ZZZ3: variants seen among roughly 807,000 people sequenced by gnomAD.
The protein encoded by ZZZ3 is zinc finger ZZ-type containing 3.
In ZZZ3, 22 loss-of-function variants were observed where a neutral mutation model predicts 95.2. The ratio of observed to expected loss-of-function variants is 0.23; its 90% CI spans 0.17 to 0.33. ZZZ3 has a LOEUF of 0.33. Ranked by LOEUF, ZZZ3 falls within the 10% of genes least tolerant of loss-of-function variation. ZZZ3 has a pLI of 1.00. For missense variants in ZZZ3, 885 were observed against 1,066.5 expected (o/e 0.83, Z 2.37); for synonymous variants, 335 against 358.9 (o/e 0.93, Z 0.75).
rs184723688 is a variant in ZZZ3 at position 77,604,500 on chromosome 1, G to A, written c.1506-19845C>T. 7.7e-4 allele frequency among the ~76,000 whole-genome samples: 117 copies of A among 152,200 alleles called. 1 individual carries two copies. Among genetic ancestry groups the A allele is most frequent in the African/African-American group, 2.6e-3 (108 of 41,522 alleles). Reference sequence around the variant, plus strand: ...TGCAGGCTAGATTTCTAAAATCTTCGTAAATCAAGAAAGCAAGAATTACCA... The same window carrying A: ...TGCAGGCTAGATTTCTAAAATCTTCATAAATCAAGAAAGCAAGAATTACCA... On this transcript the variant is annotated intron_variant, in intron 5 of 14. Coordinates refer to ENST00000370801, the MANE Select transcript of ZZZ3 (RefSeq NM_015534.6).
chr1:77,677,351 A>C (rs1353720071), intron 1 of ZZZ3: 2 of 152,184 alleles, frequency 1.3e-5, no homozygotes, highest in East Asian at 3.9e-4. Context: ...ACAAACAAAC[A>C]AAAAGATGTT....
At chr1:77,629,645 A>T (rs1206969868) in intron 5 of ZZZ3, among the ~76,000 whole-genome samples, 1 of 152,080 alleles carries the variant, frequency 6.6e-6, no homozygotes, top group Non-Finnish European at 1.5e-5. Flanking sequence ...AAACAAACAA[A>T]CAAAAAAAGT....
At chr1:77,635,307 T>C (rs1206683190) in intron 4 of ZZZ3, among the ~76,000 whole-genome samples, 1 of 152,192 alleles carries the variant, frequency 6.6e-6, no homozygotes, top group Admixed American at 6.5e-5. Flanking sequence ...TTAAATCTTA[T>C]AAGAATCACA....
intron 1 of ZZZ3, among the ~76,000 whole-genome samples, chr1:77,657,514 A>G (rs1291194103): frequency 6.6e-6 from 1 of 152,214 alleles, no homozygotes; most frequent in African/African-American, 2.4e-5. Context: ...CATTTTGTTT[A>G]ACCTCATTTG....
At chr1:77,624,906 T>C (rs1489186967) in intron 5 of ZZZ3, among the ~76,000 whole-genome samples, 1 of 152,108 alleles carries the variant, frequency 6.6e-6, no homozygotes, top group African/African-American at 2.4e-5. Context: ...GAATATTGAA[T>C]GGAATCATAG....
At position 77,602,840 on chromosome 1, in the gene ZZZ3, G is replaced by A. The variant is rs141628032; in HGVS notation, c.1506-18185C>T. On this transcript the variant is annotated intron_variant, in intron 5 of 14. Transcript: ENST00000370801. ...AGGCTGGTATTGAACTCCTGACCTCGTGATCTGCCCACCTCGGCCTCCCAA... is the reference window on the plus strand; with the variant it reads ...AGGCTGGTATTGAACTCCTGACCTCATGATCTGCCCACCTCGGCCTCCCAA... Among the ~76,000 whole-genome samples the A allele has an allele frequency of 2.7e-3, 404 of 151,794 alleles. 2 individuals are homozygous for A. The highest frequency in any genetic ancestry group is 8.7e-3 in the African/African-American group (359 of 41,448).
chr1:77,607,977 A>G (rs954328811), intron 5 of ZZZ3, among the ~76,000 whole-genome samples: 1 of 152,060 alleles, frequency 6.6e-6, no homozygotes, highest in African/African-American at 2.4e-5. Context: ...AACAACAACA[A>G]AAGAATACAA....
intron 1 of ZZZ3, among the ~76,000 whole-genome samples, chr1:77,660,761 C>T (rs1042708871): frequency 1.1e-4 from 16 of 152,124 alleles, no homozygotes; most frequent in Non-Finnish European, 2.4e-4. Context: ...TTACTTCTAT[C>T]CTATTATTTT....
At chr1:77,664,480 G>A (rs1671088026) in intron 1 of ZZZ3, among the ~76,000 whole-genome samples, 1 of 152,136 alleles carries the variant, frequency 6.6e-6, no homozygotes, top group Admixed American at 6.5e-5. Flanking sequence ...CTCCTCGAAG[G>A]AATAGAGCAA....
chr1:77,598,408 C>G (rs1046911817), intron 5 of ZZZ3, among the ~76,000 whole-genome samples: 24 of 152,004 alleles, frequency 1.6e-4, no homozygotes, highest in African/African-American at 4.8e-4. Context: ...TCTTGCTGTT[C>G]CAGGGGTGTC....
rs1207812683 is a variant in ZZZ3, at chr1:77,631,975, T to A, written c.1380A>T (p.Arg460Ser). 6.2e-7 allele frequency: 1 copy of A among 1,614,106 alleles called. No individual in the cohort carries two copies. The highest frequency in any genetic ancestry group is 1.7e-5 in the Admixed American group (1 of 60,008). The change falls in exon 5 of 15, where the codon AGA becomes AGT. Residue 460 changes from arginine (R) to serine (S), a missense_variant. Arg to Ser is a moderately radical substitution (Grantham distance 110, BLOSUM62 -1). Around this residue, in one of 5 missense-constraint regions of ZZZ3, gnomAD observed 556 missense variants for 652.9 expected, o/e 0.85. Transcript: ENST00000370801. ...EGVSKPPSEA[R>S]LNIGHLPSAK... ...CAGATGGCAAATGTCCAATATTGAG[T>A]CTTGCCTCTGAGGGTGGTTTACTTA...
chr1:77,659,975 G>T (rs72936202), intron 1 of ZZZ3, among the ~76,000 whole-genome samples: 1 of 152,010 alleles, frequency 6.6e-6, no homozygotes, highest in Non-Finnish European at 1.5e-5. Context: ...TAGGACTACA[G>T]GGGCTTGCCA....
At chr1:77,612,048 G>T (rs1224181482) in intron 5 of ZZZ3, among the ~76,000 whole-genome samples, 1 of 151,828 alleles carries the variant, frequency 6.6e-6, no homozygotes, top group Non-Finnish European at 1.5e-5. Flanking sequence ...TACAAAGAAG[G>T]AAAAATGTTT....
At chr1:77,588,347 G>A (rs1663315708) in intron 5 of ZZZ3, among the ~76,000 whole-genome samples, 2 of 152,196 alleles carry the variant, frequency 1.3e-5, no homozygotes, top group South Asian at 2.1e-4. Flanking sequence ...ATTTATGGTG[G>A]AGCTGCAATG....
intron 6 of ZZZ3, among the ~76,000 whole-genome samples, chr1:77,583,448 G>A (rs1301660045): frequency 6.6e-6 from 1 of 151,810 alleles, no homozygotes; most frequent in Non-Finnish European, 1.5e-5. Flanking sequence ...TAACACAGAA[G>A]GTACACCAAA....
chr1:77,581,161 A>G, intron 8 of ZZZ3, 92 bp from the exon 9 acceptor site: 1 of 1,003,952 alleles, frequency 1.0e-6, no homozygotes, highest in South Asian at 1.4e-5. Flanking sequence ...GAATTTTTAA[A>G]TTAATTTCAA....
chr1:77,583,115 A>T (rs544974096), intron 6 of ZZZ3, among the ~76,000 whole-genome samples: 45 of 152,266 alleles, frequency 3.0e-4, no homozygotes, highest in African/African-American at 1.1e-3. Flanking sequence ...TCAAAAAAAA[A>T]AGAAAAAAGA....
intron 5 of ZZZ3, among the ~76,000 whole-genome samples, chr1:77,627,260 G>A (rs879681071): frequency 4.1e-4 from 62 of 152,214 alleles, no homozygotes; most frequent in African/African-American, 1.3e-3. Context: ...ACTGTATAAC[G>A]GTGCCTATCC....
chr1:77,615,646 T>C (rs940046857), intron 5 of ZZZ3, among the ~76,000 whole-genome samples: 6 of 152,222 alleles, frequency 3.9e-5, no homozygotes, highest in Non-Finnish European at 7.3e-5. Flanking sequence ...CCATGTTACA[T>C]ATTTCTGCAT....
Sources: gnomAD v4.1 joint callset for allele counts (sites outside exome capture counted in the v4.1 genomes callset) on GRCh38, gnomAD v4.1.1 for gene constraint, gnomAD v4.1.1 regional missense constraint, MANE v1.5 for transcripts, NCBI Gene and HGNC (gene_info 2026-07-23, HGNC 2026-07-21) for gene names.